The following POLK variants were observed in gnomAD, a reference collection of about 807,000 sequenced individuals.
POLK encodes the protein polymerase (DNA directed) kappa.
In POLK, 76 loss-of-function variants were observed where a neutral mutation model predicts 94.0. That is an observed-to-expected ratio of 0.81 (90% CI 0.67 to 0.98). The LOEUF is 0.98. Ranked by LOEUF, POLK falls within the 50% of genes least tolerant of loss-of-function variation. POLK has a pLI of 0.00. For missense variants in POLK, 954 were observed against 1,010.1 expected (o/e 0.94, Z 0.75); for synonymous variants, 349 against 325.4 (o/e 1.07, Z -0.78).
intron 4 of POLK, among the ~76,000 whole-genome samples, chr5:75,571,776 T>C (rs888544019): frequency 2.6e-5 from 4 of 152,356 alleles, no homozygotes; most frequent in Non-Finnish European, 4.4e-5. Flanking sequence ...GAACCCACTT[T>C]TGATAAGAGT....
intron 1 of POLK, among the ~76,000 whole-genome samples, chr5:75,519,494 T>G (rs1479974796): frequency 6.6e-6 from 1 of 152,230 alleles, no homozygotes; most frequent in Non-Finnish European, 1.5e-5. Flanking sequence ...TCTCCTACTA[T>G]TATTATATTG....
At position 75,584,438 on chromosome 5, in the gene POLK, G is replaced by A. The variant is rs1477906501; in HGVS notation, c.1060-322G>A. ...ATAATGAGCACTTTGGGAGGCCAGG[G>A]TGGGCGGATCACCTAAGGTCAGGAG... On this transcript the variant is annotated intron_variant, in intron 8 of 14. Transcript: ENST00000241436. Among the ~76,000 whole-genome samples, 19 of 152,108 alleles carry A rather than the reference G, an allele frequency of 1.2e-4. 1 individual carries two copies. Among genetic ancestry groups the A allele is most frequent in the Admixed American group, 1.2e-3 (19 of 15,282 alleles).
chr5:75,546,864 A>C, intron 1 of POLK, 146 bp from the exon 2 acceptor site: 1 of 378,306 alleles, frequency 2.6e-6, no homozygotes. Flanking sequence ...ACAGGGTTTC[A>C]CCATGTTGCC....
At chr5:75,581,399 G>A in exon 7 of POLK, 1 of 1,613,666 alleles carries the variant, frequency 6.2e-7, no homozygotes, top group South Asian at 1.1e-5. Context: ...AAGTGGTAAA[G>A]GAAATTCGTT....
intron 1 of POLK, among the ~76,000 whole-genome samples, chr5:75,545,525 C>G (rs1227427593): frequency 6.6e-6 from 1 of 152,098 alleles, no homozygotes; most frequent in Non-Finnish European, 1.5e-5. Context: ...TGAAAATAAC[C>G]AGATCTGTTT....
chr5:75,536,338 A>G (rs922306087), intron 1 of POLK, among the ~76,000 whole-genome samples: 2 of 152,068 alleles, frequency 1.3e-5, no homozygotes, highest in Non-Finnish European at 2.9e-5. Context: ...CATCAGCCCT[A>G]ATCTGCTATC....
chr5:75,515,649 T>C (rs961660454), intron 1 of POLK, among the ~76,000 whole-genome samples: 33 of 152,194 alleles, frequency 2.2e-4, no homozygotes, highest in African/African-American at 7.5e-4. Context: ...GATCATACAG[T>C]AGTTGTATTT....
intron 3 of POLK, among the ~76,000 whole-genome samples, chr5:75,556,394 C>T (rs919534833): frequency 1.3e-5 from 2 of 152,268 alleles, no homozygotes; most frequent in Admixed American, 1.3e-4. Flanking sequence ...AAGAGTTCTT[C>T]GTGTATTTTG....
intron 1 of POLK, among the ~76,000 whole-genome samples, chr5:75,517,725 A>C (rs779001681): frequency 4.6e-5 from 7 of 152,210 alleles, no homozygotes; most frequent in Non-Finnish European, 1.0e-4. Flanking sequence ...CAGATCTTAG[A>C]GGAAAGGCTT....
chr5:75,542,458 A>G (rs1422236594), intron 1 of POLK, among the ~76,000 whole-genome samples: 5 of 151,454 alleles, frequency 3.3e-5, no homozygotes, highest in Admixed American at 2.6e-4. Context: ...AGCTTTGTTT[A>G]CCTCTTATAG....
chr5:75,577,668 T>G (rs543812073), intron 6 of POLK, among the ~76,000 whole-genome samples: 25 of 152,296 alleles, frequency 1.6e-4, no homozygotes, highest in Non-Finnish European at 3.2e-4. Context: ...TGTGCACCAC[T>G]CATTGCTTCA....
At chr5:75,608,937 T>G in the POLK span, 1 of 152,160 alleles carries the variant, frequency 6.6e-6, no homozygotes, top group Non-Finnish European at 1.5e-5. Flanking sequence ...ACTAACCTGA[T>G]ATTTGAAACA....
chr5:75,565,087 C>CT (rs1197040000), intron 3 of POLK, among the ~76,000 whole-genome samples: 3 of 152,016 alleles, frequency 2.0e-5, no homozygotes, highest in African/African-American at 7.2e-5. Flanking sequence ...TCCTTTTATT[C>CT]TTTTTTCTCT....
At chr5:75,584,859 T>C (rs1164098965) in exon 9 of POLK, 1 of 1,606,630 alleles carries the variant, frequency 6.2e-7, no homozygotes, top group African/African-American at 1.3e-5. Context: ...TTCTCTCCTT[T>C]TCTCTGAAAC....
chr5:75,560,351 T>G (rs986382044), intron 3 of POLK, among the ~76,000 whole-genome samples: 3 of 152,156 alleles, frequency 2.0e-5, no homozygotes, highest in Non-Finnish European at 4.4e-5. Context: ...ATTACATGGG[T>G]GTCTCTTTTA....
In POLK at chr5:75,571,409, T is replaced by TC. The variant is rs1324740133; in HGVS notation, c.408+1922dup. On this transcript the variant is annotated intron_variant, in intron 4 of 14. Coordinates refer to ENST00000241436, the Ensembl canonical transcript of POLK. ...AGTTACCTATTGCTGCATAACAGCC[T>TC]CCCCCAGTATTTAGTGGACAGCCAA... Among the ~76,000 whole-genome samples the TC allele has an allele frequency of 4.6e-5, 7 of 152,248 alleles. No homozygotes were observed. In the South Asian group the frequency reaches 1.5e-3, roughly 32 times the overall value.
At chr5:75,534,209 T>C (rs1769332697) in intron 1 of POLK, among the ~76,000 whole-genome samples, 1 of 149,596 alleles carries the variant, frequency 6.7e-6, no homozygotes, top group Non-Finnish European at 1.5e-5. Flanking sequence ...GAGGTTGCAG[T>C]GAGCTGAGAT....
At chr5:75,583,547 A>T (rs1323473647) in intron 8 of POLK, 130 bp downstream of exon 8, 2 of 462,844 alleles carry the variant, frequency 4.3e-6, no homozygotes, top group Non-Finnish European at 7.4e-6. Flanking sequence ...ACTATAATGG[A>T]TGATTGAATT....
chr5:75,597,233 A>G (rs1773141224), intron 13 of POLK, 55 bp downstream of exon 13: 1 of 879,324 alleles, frequency 1.1e-6, no homozygotes, highest in Admixed American at 2.2e-5. Context: ...GTATTATTAA[A>G]ATTAATGAGA....
Sources: gnomAD v4.1 joint callset for allele counts (sites outside exome capture counted in the v4.1 genomes callset) on GRCh38, gnomAD v4.1.1 for gene constraint, MANE v1.5 for transcripts, NCBI Gene and HGNC (gene_info 2026-07-23, HGNC 2026-07-21) for gene names.